The following ERBIN variants were observed in gnomAD, a reference collection of about 807,000 sequenced individuals.
The protein encoded by ERBIN is densin-180-like protein.
In ERBIN, 60 loss-of-function variants were observed where a neutral mutation model predicts 158.4. The ratio of observed to expected loss-of-function variants is 0.38; its 90% CI spans 0.31 to 0.47. The LOEUF is 0.47. Ranked by LOEUF, ERBIN falls within the 20% of genes least tolerant of loss-of-function variation. The pLI is 0.99. For synonymous variants in ERBIN, 594 were observed against 557.2 expected (o/e 1.07, Z -0.93); for missense variants, 1,610 against 1,648.0 (o/e 0.98, Z 0.40).
intron 16 of ERBIN, among the ~76,000 whole-genome samples, chr5:66,043,513 C>T (rs115830976): frequency 0.011 from 1,621 of 152,192 alleles, 26 homozygotes; most frequent in Middle Eastern, 0.065. Context: ...TTAGCTGACT[C>T]TCCCCCCACC....
chr5:66,033,003 A>G (rs916956751), intron 14 of ERBIN, among the ~76,000 whole-genome samples: 3 of 152,200 alleles, frequency 2.0e-5, no homozygotes, highest in African/African-American at 7.2e-5. Flanking sequence ...TCTTTGGTAT[A>G]TCCAAGTTAG....
Position 66,025,474 on chromosome 5 carries a change from C to T in ERBIN, c.818-6C>T, listed in dbSNP as rs1485123632. 3 of 1,603,624 alleles carry T rather than the reference C, an allele frequency of 1.9e-6. No individual in the cohort carries two copies. Among genetic ancestry groups the T allele is most frequent in the Non-Finnish European group, 1.7e-6 (2 of 1,171,242 alleles). On this transcript the variant is annotated splice_polypyrimidine_tract_variant and splice_region_variant and intron_variant, in intron 10 of 25. Coordinates refer to ENST00000284037, the MANE Select transcript of ERBIN (RefSeq NM_001253697.2). The stretch of plus-strand genomic sequence containing the variant: ...AAAAATTGTATGTTGTTTCTTCCCT[C>T]ATTAGGTTCGTTGAAGAATATAACA...
chr5:65,953,098 G>A (rs1287087567), intron 1 of ERBIN, among the ~76,000 whole-genome samples: 1 of 152,144 alleles, frequency 6.6e-6, no homozygotes, highest in Non-Finnish European at 1.5e-5. Flanking sequence ...CTGGCTTCTG[G>A]TCCACAGCCC....
chr5:66,023,644 A>G (rs988741919), intron 9 of ERBIN, among the ~76,000 whole-genome samples: 1 of 151,720 alleles, frequency 6.6e-6, no homozygotes, highest in Non-Finnish European at 1.5e-5. Context: ...GGAATTGGTA[A>G]ACTAGGATAT....
intron 1 of ERBIN, among the ~76,000 whole-genome samples, chr5:65,947,614 C>T (rs1745935658): frequency 6.6e-6 from 1 of 152,078 alleles, no homozygotes; most frequent in Non-Finnish European, 1.5e-5. Context: ...GATAAAACAT[C>T]AAATTTAGCT....
chr5:66,044,372 TGATATAG>T (rs2151205679), intron 17 of ERBIN, 62 bp downstream of exon 17: 1 of 1,447,976 alleles, frequency 6.9e-7, no homozygotes, highest in South Asian at 1.4e-5. Flanking sequence ...AAATGACAGT[TGATATAG>T]TGCCCCTTTT....
At position 66,018,454 on chromosome 5, in the gene ERBIN, TTATATTATATAA is replaced by T. The variant is rs1561379779; in HGVS notation, c.534-2862_534-2851del. On this transcript the variant is annotated intron_variant, in intron 7 of 25. Coordinates refer to ENST00000284037, the MANE Select transcript of ERBIN (RefSeq NM_001253697.2). The stretch of plus-strand genomic sequence containing the variant: ...ATTGATATATATAATATAATATATA[TTATATTATATAA>T]TATATATTATATATTATATATTATA... 3.6e-4 allele frequency among the ~76,000 whole-genome samples: 8 copies of T among 21,984 alleles called. 2 individuals are homozygous for T. In the South Asian group the frequency reaches 5.8e-3, roughly 16 times the overall value. The allele number at this position is 21,984 out of a possible 152,430, so 14.4% of individuals were successfully genotyped here.
chr5:65,933,692 C>A (rs978671056), intron 1 of ERBIN, among the ~76,000 whole-genome samples: 4 of 152,050 alleles, frequency 2.6e-5, no homozygotes, highest in Non-Finnish European at 5.9e-5. Flanking sequence ...TTTGTTATTT[C>A]CCCGACCCCA....
At chr5:66,058,918 G>A (rs1183939548) in intron 21 of ERBIN, among the ~76,000 whole-genome samples, 10 of 152,116 alleles carry the variant, frequency 6.6e-5, no homozygotes, top group Admixed American at 3.3e-4. Flanking sequence ...TACCAGTACC[G>A]TGCCGTTTTG....
chr5:66,007,047 C>T (rs976581876), intron 4 of ERBIN, among the ~76,000 whole-genome samples: 4 of 149,664 alleles, frequency 2.7e-5, no homozygotes, highest in African/African-American at 5.1e-5. Context: ...GGGTATATAC[C>T]CAAAGGATGA....
intron 1 of ERBIN, among the ~76,000 whole-genome samples, chr5:65,928,652 C>A (rs1208917719): frequency 6.6e-6 from 1 of 152,112 alleles, no homozygotes; most frequent in African/African-American, 2.4e-5. Context: ...TGTTTCGATG[C>A]AGACAACACG....
intron 1 of ERBIN, chr5:65,961,407 C>T (rs1431749214): frequency 6.6e-6 from 1 of 152,154 alleles, no homozygotes; most frequent in African/African-American, 2.4e-5. Context: ...TTATACTTCC[C>T]TGCAGCAGTA....
rs908171425 is a variant in ERBIN, at chr5:66,023,213, C to G, written c.598-77C>G. On this transcript the variant is annotated intron_variant, in intron 8 of 25. Coordinates refer to ENST00000284037, the MANE Select transcript of ERBIN (RefSeq NM_001253697.2). The stretch of plus-strand genomic sequence containing the variant: ...GAAACTAAAGGTTATTAGAAATTCC[C>G]AGGGCTTCTTTTGCCAGATAAAGAC... The G allele has an allele frequency of 8.8e-6, 9 of 1,021,092 alleles. No homozygotes were observed. The African/African-American group carries it at 1.5e-4, about 17-fold the overall frequency. The allele number at this position is 1,021,092 out of a possible 1,614,324, so 63.3% of individuals were successfully genotyped here.
chr5:65,976,625 A>G (rs1749899714), intron 1 of ERBIN, among the ~76,000 whole-genome samples: 1 of 151,202 alleles, frequency 6.6e-6, no homozygotes, highest in Non-Finnish European at 1.5e-5. Flanking sequence ...AAACAAGTGA[A>G]CAAAGGTCTC....
chr5:66,028,636 C>T (rs933070259), intron 14 of ERBIN, among the ~76,000 whole-genome samples: 1 of 152,100 alleles, frequency 6.6e-6, no homozygotes, highest in African/African-American at 2.4e-5. Context: ...TTATCTCATA[C>T]ACTTGCCTAT....
Position 66,054,018 on chromosome 5 carries a change from A to T in ERBIN, c.2700A>T (p.Lys900Asn). Reference protein sequence around the residue: ...NGPQQPSTTVKITSAVDGKNI... With the variant: ...NGPQQPSTTVNITSAVDGKNI... ...CTCAGCAGCCAAGTACAACCGTTAAAATCACATCTGCTGTTGATGGAAAAA... is the reference window on the plus strand; with the variant it reads ...CTCAGCAGCCAAGTACAACCGTTAATATCACATCTGCTGTTGATGGAAAAA... The change falls in exon 21 of 26, where the codon AAA becomes AAT. Residue 900 changes from lysine (K) to asparagine (N), a missense_variant. Around this residue, in one of 2 missense-constraint regions of ERBIN, gnomAD observed 1,014 missense variants for 936.1 expected, o/e 1.08. Coordinates refer to ENST00000284037, the MANE Select transcript of ERBIN (RefSeq NM_001253697.2). 1 of 1,614,188 alleles carries T rather than the reference A, an allele frequency of 6.2e-7. No homozygotes were observed.
At chr5:65,936,168 G>T (rs982029588) in intron 1 of ERBIN, among the ~76,000 whole-genome samples, 1 of 151,926 alleles carries the variant, frequency 6.6e-6, no homozygotes, top group Admixed American at 6.6e-5. Flanking sequence ...TGGAGGGGGG[G>T]TGGGGAGAGG....
At chr5:65,990,115 G>A (rs1751700399) in intron 2 of ERBIN, among the ~76,000 whole-genome samples, 1 of 152,152 alleles carries the variant, frequency 6.6e-6, no homozygotes, top group African/African-American at 2.4e-5. Flanking sequence ...AACATTTAAT[G>A]TTTGACATCT....
At chr5:66,070,183 T>TC (rs1761399556) in intron 21 of ERBIN, among the ~76,000 whole-genome samples, 2 of 152,100 alleles carry the variant, frequency 1.3e-5, no homozygotes, top group Non-Finnish European at 2.9e-5. Flanking sequence ...TAGCTGGGAT[T>TC]ACAGGTGCGC....
Sources: gnomAD v4.1 joint callset for allele counts (sites outside exome capture counted in the v4.1 genomes callset) on GRCh38, gnomAD v4.1.1 for gene constraint, gnomAD v4.1.1 regional missense constraint, MANE v1.5 for transcripts, NCBI Gene and HGNC (gene_info 2026-07-23, HGNC 2026-07-21) for gene names.